SEC31A: variants seen among roughly 807,000 people sequenced by gnomAD.
SEC31A encodes the protein SEC31 homolog A, COPII component.
A neutral mutation model predicts 151.0 loss-of-function variants in SEC31A; 70 were observed. The observed-to-expected ratio is 0.46, with a 90% CI of 0.38 to 0.57. SEC31A has a LOEUF of 0.57. Among genes scored for constraint, SEC31A ranks in the 20% least tolerant of loss-of-function variants. The pLI is 0.00. For synonymous variants in SEC31A, 475 were observed against 505.9 expected (o/e 0.94, Z 0.82); for missense variants, 1,330 against 1,471.2 (o/e 0.90, Z 1.57).
Position 82,871,396 on chromosome 4 carries a change from G to C in SEC31A, c.782+548C>G, listed in dbSNP as rs1160325102. On this transcript the variant is annotated intron_variant, in intron 7 of 26. Transcript: ENST00000395310. ...TGGATGGGCATGAAATCTAACTGCA[G>C]TAAGTCGTTACTTAATTTAGGAACT... 2.6e-6 allele frequency: 4 copies of C among 1,525,752 alleles called. No individual in the cohort carries two copies. In the African/African-American group the frequency reaches 5.5e-5, roughly 21 times the overall value. The allele number at this position is 1,525,752 out of a possible 1,614,324, so 94.5% of individuals were successfully genotyped here. A position where few individuals can be genotyped will look rare whatever the true frequency, so the allele number is the denominator to read the frequency against.
At chr4:82,881,745 A>C in intron 2 of SEC31A, 113 bp downstream of exon 2, 1 of 772,944 alleles carries the variant, frequency 1.3e-6, no homozygotes, top group Non-Finnish European at 2.3e-6. Context: ...AATGTCAGTA[A>C]CTTGCCAGGG....
At chr4:82,850,004 A>T (rs1380018005) in intron 19 of SEC31A, among the ~76,000 whole-genome samples, 2 of 152,096 alleles carry the variant, frequency 1.3e-5, no homozygotes, top group African/African-American at 2.4e-5. Context: ...CAATGCTATC[A>T]CAAAGTCTCA....
intron 2 of SEC31A, chr4:82,899,833 T>G (rs1269801560): frequency 1.3e-5 from 2 of 152,642 alleles, no homozygotes; most frequent in African/African-American, 4.8e-5. Context: ...AACGGAAAAG[T>G]TGCAAACCCT....
chr4:82,890,586 TG>T, intron 1 of SEC31A: 1 of 258,630 alleles, frequency 3.9e-6, no homozygotes, highest in Non-Finnish European at 6.1e-6. Flanking sequence ...AGGCTGCGCC[TG>T]GCTACCACCG....
At chr4:82,882,401 C>CAAAAAAAAAAA (rs57974382) in intron 1 of SEC31A, among the ~76,000 whole-genome samples, 9 of 92,478 alleles carry the variant, frequency 9.7e-5, no homozygotes, top group African/African-American at 4.1e-4. Flanking sequence ...GACTCTATCT[C>CAAAAAAAAAAA]AAAAAAAAAA....
intron 18 of SEC31A, 113 bp from the exon 19 acceptor site, chr4:82,851,717 G>T: frequency 1.2e-6 from 1 of 837,704 alleles, no homozygotes; most frequent in Non-Finnish European, 1.8e-6. Flanking sequence ...TATAGTACCT[G>T]TTATCATCCC....
chr4:82,829,426 A>AC (rs543126001), intron 22 of SEC31A: 34 of 166,132 alleles, frequency 2.0e-4, no homozygotes, highest in African/African-American at 4.3e-4. Flanking sequence ...AAACAAACAA[A>AC]AAAAAAACAC....
intron 2 of SEC31A, chr4:82,899,948 TA>T (rs1375705947): frequency 2.6e-5 from 4 of 152,284 alleles, no homozygotes; most frequent in Admixed American, 2.6e-4. Flanking sequence ...CATAAGAGCT[TA>T]TAACTAAGAC....
At chr4:82,871,766 G>C (rs573980799) in intron 7 of SEC31A, 178 bp downstream of exon 7, 2 of 673,086 alleles carry the variant, frequency 3.0e-6, no homozygotes, top group Non-Finnish European at 4.8e-6. Flanking sequence ...TTGAACCTGG[G>C]AGGCAGAGGT....
intron 19 of SEC31A, among the ~76,000 whole-genome samples, chr4:82,849,596 A>G (rs534022209): frequency 6.1e-4 from 81 of 133,788 alleles, no homozygotes; most frequent in Non-Finnish European, 7.5e-4. Flanking sequence ...CCTGGGCGAC[A>G]GAGCAAGAAT....
chr4:82,871,371 T>C, intron 7 of SEC31A: 1 of 1,524,260 alleles, frequency 6.6e-7, no homozygotes, highest in Non-Finnish European at 8.8e-7. Context: ...GTTTTACCTA[T>C]GGATGGGCAT....
chr4:82,884,148 G>A (rs1740079887), intron 1 of SEC31A, among the ~76,000 whole-genome samples: 1 of 151,620 alleles, frequency 6.6e-6, no homozygotes, highest in African/African-American at 2.4e-5. Flanking sequence ...CACCACATCA[G>A]GCTAATTTTT....
Position 82,867,135 on chromosome 4 carries a change from A to C in SEC31A, c.1044+20T>G, listed in dbSNP as rs369688604. 11 of 1,600,158 alleles carry C rather than the reference A, an allele frequency of 6.9e-6. No homozygotes were observed. Among genetic ancestry groups the C allele is most frequent in the African/African-American group, 2.7e-5 (2 of 74,480 alleles). ...CTTTTTTCAGGCATTATAATAGAAAACTTTAACACTTCCTATTACCTTGTC... is the reference window on the plus strand; with the variant it reads ...CTTTTTTCAGGCATTATAATAGAAACCTTTAACACTTCCTATTACCTTGTC... On this transcript the variant is annotated intron_variant, in intron 9 of 26. Coordinates refer to ENST00000395310, the MANE Select transcript of SEC31A (RefSeq NM_001077207.4).
intron 22 of SEC31A, among the ~76,000 whole-genome samples, chr4:82,830,783 T>C (rs763587695): frequency 1.2e-4 from 18 of 152,246 alleles, no homozygotes; most frequent in Non-Finnish European, 2.5e-4. Context: ...TTGTAAAATC[T>C]GATTCAATTA....
intron 21 of SEC31A, 196 bp from the exon 22 acceptor site, chr4:82,842,677 T>C: frequency 3.8e-6 from 2 of 524,176 alleles, no homozygotes. Context: ...AGCTTCAGTA[T>C]TTGAAAAATG....
At position 82,871,938 on chromosome 4, in the gene SEC31A, C is replaced by A; in HGVS notation, c.782+6G>T. The A allele has an allele frequency of 1.2e-6, 2 of 1,614,044 alleles. No homozygotes were observed. The highest frequency in any genetic ancestry group is 1.1e-5 in the South Asian group (1 of 91,076). On this transcript the variant is annotated splice_donor_region_variant and intron_variant, in intron 7 of 26. Transcript: ENST00000395310. Reference sequence around the variant, plus strand: ...AATCAAGTTCTTTGTAACAGCAGCACGATACCTGGCATGGTTTTCCAGGAC... The same window carrying A: ...AATCAAGTTCTTTGTAACAGCAGCAAGATACCTGGCATGGTTTTCCAGGAC...
rs1399153429 is a variant in SEC31A, at chr4:82,871,570, G to GT, written c.782+373dup. On this transcript the variant is annotated intron_variant, in intron 7 of 26. Transcript: ENST00000395310. The stretch of plus-strand genomic sequence containing the variant: ...GTGGGCAGATCACTTGAGGTCAGAA[G>GT]TTTGAGACCAGCCTGGCCAACATGG... 9.5e-6 allele frequency: 6 copies of GT among 632,612 alleles called. No homozygotes were observed. In the East Asian group the frequency reaches 1.7e-4, roughly 18 times the overall value. 39.2% of individuals were successfully genotyped at this position (632,612 alleles called of 1,614,324 possible). A position where few individuals can be genotyped will look rare whatever the true frequency, so the allele number is the denominator to read the frequency against.
At chr4:82,855,166 T>A (rs374767047) in intron 16 of SEC31A, 137 bp from the exon 17 acceptor site, 42 of 691,620 alleles carry the variant, frequency 6.1e-5, no homozygotes, top group East Asian at 4.1e-4. Flanking sequence ...TCAAATGACA[T>A]AATAATGGTA....
intron 20 of SEC31A, among the ~76,000 whole-genome samples, chr4:82,847,510 G>A (rs1730495885): frequency 6.6e-6 from 1 of 152,192 alleles, no homozygotes; most frequent in Non-Finnish European, 1.5e-5. Flanking sequence ...TTTTCCTAAT[G>A]TAGAGCTTGC....
Sources: allele counts gnomAD v4.1 joint callset (sites outside exome capture counted in the v4.1 genomes callset), GRCh38; gene constraint gnomAD v4.1.1; transcripts MANE v1.5; gene names NCBI Gene and HGNC (gene_info 2026-07-23, HGNC 2026-07-21).